Variants in ERBB4 observed in about 807,000 individuals in gnomAD.
ERBB4 encodes the protein erb-b2 receptor tyrosine kinase 4.
ERBB4 carries 42 observed loss-of-function variants against 158.0 expected under a neutral mutation model. The observed-to-expected ratio is 0.27, with a 90% CI of 0.21 to 0.34. The LOEUF (loss-of-function observed/expected upper bound fraction) is 0.34. Among genes scored for constraint, ERBB4 ranks in the 10% least tolerant of loss-of-function variants. The pLI is 1.00. For missense variants in ERBB4, 1,333 were observed against 1,624.1 expected, an observed-to-expected ratio of 0.82 and a Z score of 3.08; for synonymous variants, 583 against 558.7, an observed-to-expected ratio of 1.04 and a Z score of -0.61.
chr2:212,301,408 G>C (rs1327912369), intron 1 of ERBB4, among the ~76,000 whole-genome samples: 3 of 151,378 alleles, frequency 2.0e-5, no homozygotes, highest in Non-Finnish European at 4.4e-5. Context: ...TTAAAGATTA[G>C]AGACCAATAT....
At chr2:211,430,842 T>A (rs2063734174) in intron 21 of ERBB4, 103 bp downstream of exon 21, 2 of 1,009,474 alleles carry the variant, frequency 2.0e-6, no homozygotes, top group Non-Finnish European at 3.1e-6. Context: ...GGCTTAATAA[T>A]CTCCTAAGCT....
intron 1 of ERBB4, among the ~76,000 whole-genome samples, chr2:212,132,274 A>T (rs1197913906): frequency 6.6e-6 from 1 of 152,176 alleles, no homozygotes; most frequent in Admixed American, 6.5e-5. Flanking sequence ...TTAAGTACAG[A>T]TTAAGGAGAT....
At position 212,320,809 on chromosome 2, in the gene ERBB4, T is replaced by A. The variant is rs568463878; in HGVS notation, c.83-195906A>T. On this transcript the variant is annotated intron_variant, in intron 1 of 27. Transcript: ENST00000342788. ...TGCCCTATATAACCTCCCCGTGTTG[T>A]TGTGAGAATCAAATGAAACAATTAC... 1.4e-3 allele frequency among the ~76,000 whole-genome samples: 217 copies of A among 150,440 alleles called. 4 individuals are homozygous for A. The highest frequency in any genetic ancestry group is 5.0e-3 in the African/African-American group (208 of 41,380).
chr2:211,453,033 C>G (rs1574516334), intron 20 of ERBB4, among the ~76,000 whole-genome samples: 1 of 152,106 alleles, frequency 6.6e-6, no homozygotes, highest in Non-Finnish European at 1.5e-5. Flanking sequence ...CACAAGTCAC[C>G]TTTAATTTCT....
At chr2:211,875,050 A>AAAAAAAAAAAAAAAAAAAAAC (rs66500425) in intron 3 of ERBB4, among the ~76,000 whole-genome samples, 3 of 75,890 alleles carry the variant, frequency 4.0e-5, no homozygotes, top group African/African-American at 1.1e-4. Flanking sequence ...AAAAAAAAAA[A>AAAAAAAAAAAAAAAAAAAAAC]CAAACTCAAA....
At chr2:212,418,605 C>A (rs1011632387) in intron 1 of ERBB4, among the ~76,000 whole-genome samples, 1 of 150,808 alleles carries the variant, frequency 6.6e-6, no homozygotes, top group Admixed American at 6.6e-5. Context: ...TCATAAGAAC[C>A]ATTATAAAAA....
chr2:211,765,322 G>A (rs951928281), intron 4 of ERBB4, among the ~76,000 whole-genome samples: 8 of 152,112 alleles, frequency 5.3e-5, no homozygotes, highest in South Asian at 4.1e-4. Context: ...CTGAAATATG[G>A]TCAGATAAAA....
chr2:211,867,024 C>CAAAAAAAAAAAAAAAAAAA (rs386392490), intron 3 of ERBB4, among the ~76,000 whole-genome samples: 1 of 60,632 alleles, frequency 1.6e-5, no homozygotes, highest in African/African-American at 6.9e-5. Flanking sequence ...TCCTTAAAAC[C>CAAAAAAAAAAAAAAAAAAA]AAAAAAAAAA....
At chr2:211,483,121 G>C (rs2065125595) in intron 20 of ERBB4, among the ~76,000 whole-genome samples, 1 of 151,806 alleles carries the variant, frequency 6.6e-6, no homozygotes, top group African/African-American at 2.4e-5. Context: ...TAATATTGCA[G>C]AAAAAAACGA....
At chr2:212,003,236 G>A (rs1346843660) in intron 2 of ERBB4, among the ~76,000 whole-genome samples, 26 of 130,720 alleles carry the variant, frequency 2.0e-4, no homozygotes, top group Admixed American at 3.3e-4. Context: ...AAGGAAGGAA[G>A]GAAGGAAGGA....
chr2:212,248,130 C>A (rs1171307286), intron 1 of ERBB4, among the ~76,000 whole-genome samples: 1 of 151,708 alleles, frequency 6.6e-6, no homozygotes, highest in Non-Finnish European at 1.5e-5. Flanking sequence ...ATTAAAAAAT[C>A]AATAAAATTA....
At chr2:211,914,255 CTT>C (rs781398661) in intron 3 of ERBB4, among the ~76,000 whole-genome samples, 3 of 145,030 alleles carry the variant, frequency 2.1e-5, no homozygotes, top group African/African-American at 2.5e-5. Context: ...ACATATTTTT[CTT>C]TTTTTTTTTT....
At chr2:212,406,923 C>T (rs908427596) in intron 1 of ERBB4, among the ~76,000 whole-genome samples, 41 of 152,160 alleles carry the variant, frequency 2.7e-4, no homozygotes, top group Non-Finnish European at 5.0e-4. Context: ...GCTTTCAACA[C>T]CTACTTCAGT....
In ERBB4 at chr2:211,722,412, G is replaced by C. The variant is rs879162962; in HGVS notation, c.864C>G (p.Phe288Leu). 6.2e-7 allele frequency: 1 copy of C among 1,613,386 alleles called. No homozygotes were observed. Among genetic ancestry groups the C allele is most frequent in the Non-Finnish European group, 8.5e-7 (1 of 1,179,346 alleles). Residue 288 changes from phenylalanine to leucine, a missense_variant, in exon 7 of 28, where the codon TTC (phenylalanine) becomes TTG (leucine). Phe to Leu is a conservative substitution (Grantham distance 22, BLOSUM62 0). Coordinates refer to ENST00000342788, the MANE Select transcript of ERBB4 (RefSeq NM_005235.3). ...ACTTACGTGGACATTTCTTGACACA[G>C]AATGCTCCATATGTGTACTTTGCAT... ...NFNAKYTYGA[F>L]CVKKCPHNFV...
At chr2:212,255,582 A>C (rs2084698625) in intron 1 of ERBB4, among the ~76,000 whole-genome samples, 1 of 152,134 alleles carries the variant, frequency 6.6e-6, no homozygotes, top group Admixed American at 6.6e-5. Context: ...TCAGAGCTTC[A>C]GATTTTAGGT....
intron 12 of ERBB4, among the ~76,000 whole-genome samples, chr2:211,683,826 T>C (rs1344545500): frequency 6.6e-6 from 1 of 152,116 alleles, no homozygotes; most frequent in Non-Finnish European, 1.5e-5. Flanking sequence ...TATTCATTAT[T>C]ACATTTCTCT....
At chr2:211,601,934 A>C (rs2068814031) in intron 19 of ERBB4, among the ~76,000 whole-genome samples, 3 of 152,192 alleles carry the variant, frequency 2.0e-5, no homozygotes, top group African/African-American at 7.2e-5. Flanking sequence ...ATTACCTCTC[A>C]ACTATAAATA....
chr2:211,917,013 T>C (rs1239145887), intron 3 of ERBB4, among the ~76,000 whole-genome samples: 4 of 152,120 alleles, frequency 2.6e-5, no homozygotes, highest in Non-Finnish European at 4.4e-5. Flanking sequence ...ACCTACAGAT[T>C]TGATACCAGT....
rs527288737 is a variant in ERBB4 at position 211,695,904 on chromosome 2, T to C, written c.1489+6063A>G. ...AAAATAAAATGTTTAGTAGTAACAATATCTAATACATGTATAGCTCGCTCT... is the reference window on the plus strand; with the variant it reads ...AAAATAAAATGTTTAGTAGTAACAACATCTAATACATGTATAGCTCGCTCT... On this transcript the variant is annotated intron_variant, in intron 12 of 27. Coordinates refer to ENST00000342788, the MANE Select transcript of ERBB4 (RefSeq NM_005235.3). Among the ~76,000 whole-genome samples the C allele has an allele frequency of 2.0e-5, 3 of 152,234 alleles. No individual in the cohort carries two copies. The East Asian group carries it at 5.8e-4, about 29-fold the overall frequency.
Sources: allele counts gnomAD v4.1 joint callset (sites outside exome capture counted in the v4.1 genomes callset), GRCh38; gene constraint gnomAD v4.1.1; transcripts MANE v1.5; gene names NCBI Gene and HGNC (gene_info 2026-07-23, HGNC 2026-07-21).